RBFOX1: variants seen among roughly 807,000 people sequenced by gnomAD.
RBFOX1 encodes RNA binding fox-1 homolog 1, also known as RNA binding protein fox-1 homolog 1.
Under a neutral mutation model 57.7 loss-of-function variants are expected in RBFOX1, and 8 were observed. That is an observed-to-expected ratio of 0.14 (90% CI 0.08 to 0.25). The LOEUF is 0.25. RBFOX1 is among the 10% of genes least tolerant of loss of function. RBFOX1 has a pLI of 1.00. For missense variants in RBFOX1, 611 were observed against 548.5 expected (o/e 1.11, Z -1.14); for synonymous variants, 326 against 222.4 (o/e 1.47, Z -4.15).
Position 7,176,363 on chromosome 16 carries a change from G to C in RBFOX1, c.27+124265G>C, listed in dbSNP as rs137944344. 3.5e-3 allele frequency among the ~76,000 whole-genome samples: 536 copies of C among 151,936 alleles called. 3 individuals are homozygous for C. Among genetic ancestry groups the C allele is most frequent in the African/African-American group, 0.012 (507 of 41,364 alleles). ...TCTTTGGCACTGGGAAGAATGCCTG[G>C]CATATAGAGTGTACTTTGTGACTAT... On this transcript the variant is annotated intron_variant, in intron 4 of 15. Coordinates refer to ENST00000550418, the MANE Select transcript of RBFOX1 (RefSeq NM_018723.4).
chr16:5,496,647 G>A (rs1244161123), intron 2 of RBFOX1, among the ~76,000 whole-genome samples: 3 of 152,176 alleles, frequency 2.0e-5, no homozygotes, highest in South Asian at 2.1e-4. Flanking sequence ...CCCAATAAAC[G>A]AGGGAGAGTG....
At chr16:7,486,916 T>C (rs1377373748) in intron 4 of RBFOX1, among the ~76,000 whole-genome samples, 3 of 152,174 alleles carry the variant, frequency 2.0e-5, no homozygotes, top group Admixed American at 6.5e-5. Flanking sequence ...TTTTGTCTTT[T>C]TGAAATGGAG....
At chr16:5,960,471 T>C (rs1353183690) in intron 4 of RBFOX1, among the ~76,000 whole-genome samples, 4 of 152,182 alleles carry the variant, frequency 2.6e-5, no homozygotes, top group African/African-American at 4.8e-5. Flanking sequence ...ACAGCAAATA[T>C]GGAGCTATGA....
rs947297817 is a variant in RBFOX1, at chr16:7,450,116, C to T, written c.28-68031C>T. Among the ~76,000 whole-genome samples the T allele has an allele frequency of 5.3e-5, 8 of 152,080 alleles. 1 individual carries two copies. The highest frequency in any genetic ancestry group is 4.6e-4 in the Admixed American group (7 of 15,262). ...AGTATAAATAAAAGGAGAGACTTGGCCGAATGCGGTGGCTCATGCCTGTAA... is the reference window on the plus strand; with the variant it reads ...AGTATAAATAAAAGGAGAGACTTGGTCGAATGCGGTGGCTCATGCCTGTAA... On this transcript the variant is annotated intron_variant, in intron 4 of 15. Coordinates refer to ENST00000550418, the MANE Select transcript of RBFOX1 (RefSeq NM_018723.4).
At chr16:6,829,189 A>G (rs1832095257) in intron 3 of RBFOX1, among the ~76,000 whole-genome samples, 1 of 151,878 alleles carries the variant, frequency 6.6e-6, no homozygotes, top group African/African-American at 2.4e-5. Flanking sequence ...GAAATGTCAG[A>G]TGTGTCATTT....
chr16:7,015,433 T>C (rs2093861195), intron 3 of RBFOX1, among the ~76,000 whole-genome samples: 1 of 152,182 alleles, frequency 6.6e-6, no homozygotes, highest in African/African-American at 2.4e-5. Context: ...AATCTGAATC[T>C]TCTGGAGTAT....
intron 2 of RBFOX1, among the ~76,000 whole-genome samples, chr16:5,475,736 G>C (rs548032217): frequency 2.8e-4 from 42 of 152,324 alleles, no homozygotes; most frequent in African/African-American, 1.0e-3. Context: ...TTCATAAGAT[G>C]CCTACAGCCA....
chr16:6,815,062 G>C (rs1412539880), intron 3 of RBFOX1, among the ~76,000 whole-genome samples: 1 of 152,264 alleles, frequency 6.6e-6, no homozygotes, highest in South Asian at 2.1e-4. Context: ...GTTTTTCCCG[G>C]AAAGCGGTAG....
intron 2 of RBFOX1, among the ~76,000 whole-genome samples, chr16:6,631,056 A>C (rs1182667571): frequency 6.6e-6 from 1 of 152,162 alleles, no homozygotes; most frequent in Non-Finnish European, 1.5e-5. Flanking sequence ...GTTTAATATG[A>C]ATGAAAGTAG....
At position 7,054,495 on chromosome 16, in the gene RBFOX1, C is replaced by T. The variant is rs926353074; in HGVS notation, c.27+2397C>T. On this transcript the variant is annotated intron_variant, in intron 4 of 15. Coordinates refer to ENST00000550418, the MANE Select transcript of RBFOX1 (RefSeq NM_018723.4). Reference sequence around the variant, plus strand: ...TGACCTCGTGATCCGCCAGCCTCGGCCCCCCAAGGTGATGGGATTACAGGT... The same window carrying T: ...TGACCTCGTGATCCGCCAGCCTCGGTCCCCCAAGGTGATGGGATTACAGGT... Among the ~76,000 whole-genome samples, 318 of 136,864 alleles carry T rather than the reference C, an allele frequency of 2.3e-3. 5 individuals are homozygous for T. The highest frequency in any genetic ancestry group is 9.0e-4 in the Non-Finnish European group (59 of 65,314). 89.8% of individuals were successfully genotyped at this position (136,864 alleles called of 152,430 possible).
chr16:6,102,842 T>A (rs2096330376), intron 1 of RBFOX1, among the ~76,000 whole-genome samples: 1 of 152,192 alleles, frequency 6.6e-6, no homozygotes, highest in Non-Finnish European at 1.5e-5. Flanking sequence ...AAGCCTTGTG[T>A]CCTGGCTTGT....
At chr16:6,639,651 C>T (rs946427806) in intron 2 of RBFOX1, among the ~76,000 whole-genome samples, 6 of 152,036 alleles carry the variant, frequency 3.9e-5, no homozygotes, top group Admixed American at 2.6e-4. Flanking sequence ...CCGAGGCGGG[C>T]GGATCACGAC....
At chr16:6,110,985 A>G (rs530485163) in intron 1 of RBFOX1, among the ~76,000 whole-genome samples, 8 of 152,272 alleles carry the variant, frequency 5.3e-5, no homozygotes, top group African/African-American at 1.9e-4. Context: ...GGAAGTCATG[A>G]TAGGTACCAG....
chr16:5,243,880 C>G (rs1251151452), intron 1 of RBFOX1, among the ~76,000 whole-genome samples: 1 of 151,806 alleles, frequency 6.6e-6, no homozygotes, highest in Admixed American at 6.6e-5. Context: ...ATGGAAAATG[C>G]TGGGCATAGC....
At chr16:6,815,306 G>A (rs954115104) in intron 3 of RBFOX1, among the ~76,000 whole-genome samples, 4 of 151,994 alleles carry the variant, frequency 2.6e-5, no homozygotes, top group African/African-American at 7.3e-5. Context: ...TTATTTTCTA[G>A]GTCTTTGTGC....
At position 7,011,630 on chromosome 16, in the gene RBFOX1, C is replaced by T. The variant is rs371385375; in HGVS notation, c.-15-40427C>T. ...CCGGGTTCACGCCATTATCCAGCCT[C>T]AGCCTTCAAAGTACCTGGGACTACA... On this transcript the variant is annotated intron_variant, in intron 3 of 15. Transcript: ENST00000550418. Among the ~76,000 whole-genome samples the T allele has an allele frequency of 2.0e-5, 3 of 152,334 alleles. No individual in the cohort carries two copies. The East Asian group carries it at 5.8e-4, about 29-fold the overall frequency.
intron 4 of RBFOX1, among the ~76,000 whole-genome samples, chr16:7,093,317 C>G (rs1430356572): frequency 6.6e-6 from 1 of 152,174 alleles, no homozygotes; most frequent in Non-Finnish European, 1.5e-5. Context: ...GAGCTTGCCT[C>G]TCTTGTCTGT....
At chr16:6,212,847 C>T (rs2097307608) in intron 1 of RBFOX1, among the ~76,000 whole-genome samples, 1 of 152,046 alleles carries the variant, frequency 6.6e-6, no homozygotes, top group African/African-American at 2.4e-5. Context: ...TATTTGTAAC[C>T]TGAAAAAGGT....
At chr16:7,323,061 T>C (rs1032026072) in intron 4 of RBFOX1, among the ~76,000 whole-genome samples, 3 of 152,106 alleles carry the variant, frequency 2.0e-5, no homozygotes, top group Non-Finnish European at 4.4e-5. Context: ...TAAGGACTGT[T>C]GGGATGGTTG....
Sources: gnomAD v4.1 joint callset for allele counts (sites outside exome capture counted in the v4.1 genomes callset) on GRCh38, gnomAD v4.1.1 for gene constraint, MANE v1.5 for transcripts, NCBI Gene and HGNC (gene_info 2026-07-23, HGNC 2026-07-21) for gene names.